Variants in APOO observed in about 807,000 individuals in gnomAD.
The protein encoded by APOO is MICOS complex subunit MIC26.
APOO carries 11 observed loss-of-function variants against 23.1 expected under a neutral mutation model. The ratio of observed to expected loss-of-function variants is 0.48; its 90% CI spans 0.30 to 0.79. The LOEUF (loss-of-function observed/expected upper bound fraction) is 0.79. Among genes scored for constraint, APOO ranks in the 30% least tolerant of loss-of-function variants. APOO has a pLI of 0.07. For missense variants in APOO, 160 were observed against 142.7 expected (o/e 1.12, Z -0.62); for synonymous variants, 59 against 54.8 (o/e 1.08, Z -0.34).
intron 1 of APOO, among the ~76,000 whole-genome samples, chrX:23,888,408 T>C (rs188363661): frequency 1.5e-3 from 168 of 112,022 alleles, no homozygotes; most frequent in African/African-American, 5.2e-3. Context: ...CAAAAACAAA[T>C]ATTTACTGCA....
At chrX:23,859,571 G>A (rs1326585394) in intron 5 of APOO, among the ~76,000 whole-genome samples, 1 of 110,708 alleles carries the variant, frequency 9.0e-6, no homozygotes, top group Non-Finnish European at 1.9e-5. Context: ...AGCCTCTCGA[G>A]TAGCTGGGGT....
intron 3 of APOO, among the ~76,000 whole-genome samples, chrX:23,876,420 CAAAAA>C (rs765596295): frequency 4.6e-5 from 2 of 43,327 alleles, no homozygotes; most frequent in African/African-American, 7.5e-5. Context: ...TTGTCTCTAC[CAAAAA>C]AAAAAAAAAA....
intron 1 of APOO, among the ~76,000 whole-genome samples, chrX:23,901,063 C>T (rs1338754780): frequency 8.9e-6 from 1 of 112,050 alleles, no homozygotes; most frequent in African/African-American, 3.2e-5. Context: ...TTGTAATTCT[C>T]CGCGCAGTTC....
intron 1 of APOO, among the ~76,000 whole-genome samples, chrX:23,897,633 T>G (rs1479313489): frequency 8.9e-6 from 1 of 111,976 alleles, no homozygotes; most frequent in Non-Finnish European, 1.9e-5. Context: ...CAAATGCATC[T>G]GTGTTTCCAA....
At chrX:23,902,923 C>T (rs976324233) in intron 1 of APOO, among the ~76,000 whole-genome samples, 1 of 111,497 alleles carries the variant, frequency 9.0e-6, no homozygotes, top group Non-Finnish European at 1.9e-5. Context: ...AAGGGTCTGG[C>T]CTATCTTTTT....
chrX:23,877,507 C>T (rs1925910492), intron 3 of APOO, among the ~76,000 whole-genome samples: 1 of 111,997 alleles, frequency 8.9e-6, no homozygotes, highest in Admixed American at 9.5e-5. Context: ...GGCATGGTGG[C>T]TCACGCCTGT....
intron 1 of APOO, among the ~76,000 whole-genome samples, chrX:23,894,665 G>A (rs1338738242): frequency 9.1e-6 from 1 of 109,762 alleles, no homozygotes; most frequent in East Asian, 2.9e-4. Flanking sequence ...GCATGGTGGA[G>A]TGCGCCTGTA....
intron 8 of APOO, among the ~76,000 whole-genome samples, chrX:23,838,289 C>G (rs776511320): frequency 1.6e-4 from 13 of 79,357 alleles, no homozygotes; most frequent in African/African-American, 6.8e-4. Flanking sequence ...CGGGAGGCCT[C>G]AGAGGCTGCA....
intron 7 of APOO, among the ~76,000 whole-genome samples, chrX:23,852,569 G>T (rs944426064): frequency 1.9e-5 from 2 of 107,789 alleles, no homozygotes; most frequent in South Asian, 8.4e-4. Context: ...AGCCGAGATC[G>T]TGCCACTGCG....
At chrX:23,843,728 C>T (rs1450074768) in intron 7 of APOO, among the ~76,000 whole-genome samples, 1 of 108,403 alleles carries the variant, frequency 9.2e-6, no homozygotes, top group African/African-American at 3.4e-5. Flanking sequence ...GGATTACAGG[C>T]GCCCACTACT....
At chrX:23,875,427 T>C (rs1460056642) in intron 3 of APOO, among the ~76,000 whole-genome samples, 1 of 105,809 alleles carries the variant, frequency 9.5e-6, no homozygotes, top group African/African-American at 3.4e-5. Flanking sequence ...AATTAATTTT[T>C]TTTTTTTTGA....
intron 1 of APOO, among the ~76,000 whole-genome samples, chrX:23,901,601 C>T (rs1927134656): frequency 8.9e-6 from 1 of 111,969 alleles, no homozygotes; most frequent in African/African-American, 3.2e-5. Context: ...CAACTGACTA[C>T]CAAGTTTTGA....
chrX:23,889,715 T>C (rs1241951027), intron 1 of APOO, among the ~76,000 whole-genome samples: 1 of 95,065 alleles, frequency 1.1e-5, no homozygotes, highest in Non-Finnish European at 2.0e-5. Flanking sequence ...CAGGCTGGAG[T>C]GCAGTGGTGC....
intron 4 of APOO, among the ~76,000 whole-genome samples, chrX:23,872,391 T>C (rs969964238): frequency 1.8e-5 from 2 of 109,852 alleles, no homozygotes; most frequent in African/African-American, 6.6e-5. Flanking sequence ...AGAAAGATCC[T>C]GTCTCAGAAA....
At chrX:23,852,984 G>A (rs971726076) in intron 7 of APOO, among the ~76,000 whole-genome samples, 3 of 110,033 alleles carry the variant, frequency 2.7e-5, no homozygotes, top group Admixed American at 2.0e-4. Flanking sequence ...AAGGCCGGGC[G>A]TGGTGGCTCA....
At chrX:23,855,961 T>C (rs1398778769) in intron 7 of APOO, among the ~76,000 whole-genome samples, 2 of 111,967 alleles carry the variant, frequency 1.8e-5, no homozygotes, top group African/African-American at 6.5e-5. Context: ...CCTGGGAGCA[T>C]AGTACATTCC....
intron 1 of APOO, among the ~76,000 whole-genome samples, chrX:23,888,661 GC>G (rs1221339439): frequency 9.1e-6 from 1 of 110,234 alleles, no homozygotes; most frequent in Non-Finnish European, 1.9e-5. Context: ...GACCAGCCTG[GC>G]CAACACACTG....
chrX:23,904,412 AGT>A (rs1927261666), intron 1 of APOO, among the ~76,000 whole-genome samples: 1 of 110,717 alleles, frequency 9.0e-6, no homozygotes, highest in Non-Finnish European at 1.9e-5. Flanking sequence ...AGAATGAGAA[AGT>A]GTGTATGTTA....
chrX:23,863,385 A>G (rs938918131), intron 5 of APOO, among the ~76,000 whole-genome samples: 2 of 111,845 alleles, frequency 1.8e-5, no homozygotes, highest in Non-Finnish European at 1.9e-5. Context: ...AGAAATTCAG[A>G]ACACTAAAGA....
Sources: allele counts gnomAD v4.1 joint callset (sites outside exome capture counted in the v4.1 genomes callset), GRCh38; gene constraint gnomAD v4.1.1; transcripts MANE v1.5; gene names NCBI Gene and HGNC (gene_info 2026-07-23, HGNC 2026-07-21).